Variants in CDH4 observed in about 807,000 individuals in gnomAD.
CDH4 encodes the protein cadherin 4, also known as cadherin-4.
A neutral mutation model predicts 86.0 loss-of-function variants in CDH4; 33 were observed. That is an observed-to-expected ratio of 0.38 (90% CI 0.29 to 0.51). The LOEUF (loss-of-function observed/expected upper bound fraction) is 0.51, where lower values mean the gene tolerates loss of function less well. Ranked by LOEUF, CDH4 falls within the 20% of genes least tolerant of loss-of-function variation. CDH4 has a pLI of 0.86. For synonymous variants in CDH4, 555 were observed against 549.4 expected (o/e 1.01, Z -0.14); for missense variants, 1,114 against 1,307.4 (o/e 0.85, Z 2.28).
At chr20:61,880,389 A>G (rs959761163) in intron 7 of CDH4, among the ~76,000 whole-genome samples, 4 of 152,158 alleles carry the variant, frequency 2.6e-5, no homozygotes, top group African/African-American at 9.7e-5. Context: ...TGCAGAAAAA[A>G]AAATATTAGC....
chr20:61,924,553 G>A, intron 11 of CDH4, 77 bp downstream of exon 11: 2 of 1,513,664 alleles, frequency 1.3e-6, no homozygotes, highest in East Asian at 2.3e-5. Context: ...GGAGGGTGCT[G>A]GCCAGGGAGA....
intron 3 of CDH4, among the ~76,000 whole-genome samples, chr20:61,771,542 T>TA (rs1266226801): frequency 1.4e-5 from 2 of 145,754 alleles, no homozygotes; most frequent in Admixed American, 1.4e-4. Flanking sequence ...GAGAGTCACT[T>TA]AAACCCAGGA....
At chr20:61,284,715 A>T (rs1299584768) in intron 2 of CDH4, among the ~76,000 whole-genome samples, 2 of 152,262 alleles carry the variant, frequency 1.3e-5, no homozygotes, top group Admixed American at 1.3e-4. Context: ...GGCAAAACCC[A>T]TCCAAACTGG....
In CDH4 at chr20:61,281,767, C is replaced by T. The variant is rs542612840; in HGVS notation, c.169+26830C>T. Among the ~76,000 whole-genome samples the T allele has an allele frequency of 6.3e-4, 96 of 152,340 alleles. 2 individuals are homozygous for T. The South Asian group carries it at 0.018, about 29-fold the overall frequency. ...CCGCCACCTCCTCCCCTGGAGGGGA[C>T]GCACCCCATCCCTGTGCTTTCATCA... On this transcript the variant is annotated intron_variant, in intron 2 of 15. Transcript: ENST00000614565.
In CDH4 at chr20:61,582,964, A is replaced by G. The variant is rs1319613745; in HGVS notation, c.170-160599A>G. On this transcript the variant is annotated intron_variant, in intron 2 of 15. Coordinates refer to ENST00000614565, the MANE Select transcript of CDH4 (RefSeq NM_001794.5). This position sits in a 1 kb window ranked among gnomAD's most constrained non-coding sequence, Gnocchi z 4.2. ...CCATGGCCCCCGGCCCTAGGCAGCC[A>G]CTAATCTACTTTCTGTCTCTGTCGA... 6.6e-6 allele frequency among the ~76,000 whole-genome samples: 1 copy of G among 151,880 alleles called. No homozygotes were observed. The highest frequency in any genetic ancestry group is 1.5e-5 in the Non-Finnish European group (1 of 67,984).
At chr20:61,895,075 G>T (rs761416568) in intron 8 of CDH4, 28 bp downstream of exon 8, 44 of 1,610,250 alleles carry the variant, frequency 2.7e-5, no homozygotes, top group Non-Finnish European at 3.1e-5. Context: ...GCCCAGTGAC[G>T]CATGGCCCGT....
intron 2 of CDH4, among the ~76,000 whole-genome samples, chr20:61,678,817 C>G (rs2145855001): frequency 6.6e-6 from 1 of 152,324 alleles, no homozygotes; most frequent in East Asian, 1.9e-4. Flanking sequence ...CCCTGTATGT[C>G]CTTTTCTGTT....
At chr20:61,260,853 G>A (rs977935442) in intron 2 of CDH4, among the ~76,000 whole-genome samples, 2 of 152,208 alleles carry the variant, frequency 1.3e-5, no homozygotes, top group African/African-American at 2.4e-5. Flanking sequence ...GTTCAGAAAG[G>A]GAAGTATATA....
chr20:61,645,042 T>G (rs2087047968), intron 2 of CDH4, among the ~76,000 whole-genome samples: 1 of 152,166 alleles, frequency 6.6e-6, no homozygotes, highest in Non-Finnish European at 1.5e-5. Flanking sequence ...ACAAGGTCAC[T>G]CATCACAAAG....
intron 2 of CDH4, among the ~76,000 whole-genome samples, chr20:61,597,044 G>A (rs2086561956): frequency 6.6e-6 from 1 of 152,256 alleles, no homozygotes; most frequent in South Asian, 2.1e-4. Flanking sequence ...CCTGATAAAT[G>A]TGGTGATTTC....
intron 7 of CDH4, among the ~76,000 whole-genome samples, chr20:61,878,450 G>A (rs576181174): frequency 1.8e-4 from 28 of 152,346 alleles, no homozygotes; most frequent in African/African-American, 5.3e-4. Context: ...TCATTTCCAC[G>A]TTATTTTCCT....
chr20:61,773,355 G>T (rs1287211722), intron 4 of CDH4, among the ~76,000 whole-genome samples, 173 bp downstream of exon 4: 2 of 152,246 alleles, frequency 1.3e-5, no homozygotes, highest in East Asian at 3.8e-4. Flanking sequence ...TTCAGGCGGG[G>T]AAGCTGCGTC....
At chr20:61,792,607 T>C (rs1979262233) in intron 4 of CDH4, among the ~76,000 whole-genome samples, 1 of 152,226 alleles carries the variant, frequency 6.6e-6, no homozygotes, top group East Asian at 1.9e-4. Context: ...AAAATGTAAA[T>C]CAAAATAAAT....
At chr20:61,898,900 G>A (rs1188484811) in intron 8 of CDH4, among the ~76,000 whole-genome samples, 1 of 152,222 alleles carries the variant, frequency 6.6e-6, no homozygotes, top group African/African-American at 2.4e-5. Flanking sequence ...CAAGGTTCCA[G>A]CTTTAACAGA....
Position 61,554,428 on chromosome 20 carries a change from G to A in CDH4, c.170-189135G>A, listed in dbSNP as rs145832853. Among the ~76,000 whole-genome samples, 3 of 152,360 alleles carry A rather than the reference G, an allele frequency of 2.0e-5. No homozygotes were observed. The East Asian group carries it at 5.8e-4, about 29-fold the overall frequency. The stretch of plus-strand genomic sequence containing the variant: ...TATGTCGCCACTGACCAGGACCCAA[G>A]AGTCCAAGCCCTATTTTCTCTTAAA... On this transcript the variant is annotated intron_variant, in intron 2 of 15. Transcript: ENST00000614565.
intron 2 of CDH4, among the ~76,000 whole-genome samples, chr20:61,256,021 C>T (rs76334105): frequency 8.2e-4 from 125 of 152,272 alleles, no homozygotes; most frequent in African/African-American, 2.7e-3. Context: ...TCTAGGCAGT[C>T]GGCCTAGGAG....
intron 2 of CDH4, among the ~76,000 whole-genome samples, chr20:61,448,660 A>G (rs2145543432): frequency 6.6e-6 from 1 of 152,282 alleles, no homozygotes; most frequent in Non-Finnish European, 1.5e-5. Context: ...TTCTGGTGGT[A>G]GAAAATGACT....
chr20:61,721,405 C>T (rs1355668079), intron 2 of CDH4, among the ~76,000 whole-genome samples: 1 of 152,208 alleles, frequency 6.6e-6, no homozygotes, highest in Non-Finnish European at 1.5e-5. Context: ...ACACCAGGGG[C>T]TCTCCCTCTG....
At position 61,267,781 on chromosome 20, in the gene CDH4, G is replaced by T. The variant is rs73915245; in HGVS notation, c.169+12844G>T. 5.4e-3 allele frequency among the ~76,000 whole-genome samples: 820 copies of T among 152,300 alleles called. 7 individuals carry two copies. The highest frequency in any genetic ancestry group is 0.018 in the African/African-American group (765 of 41,562). On this transcript the variant is annotated intron_variant, in intron 2 of 15. Coordinates refer to ENST00000614565, the MANE Select transcript of CDH4 (RefSeq NM_001794.5). ...ATGAGATGTGGAGGGATGCAGAGAGGAGCTGGGCACTCTCTGGCGTTTTTA... is the reference window on the plus strand; with the variant it reads ...ATGAGATGTGGAGGGATGCAGAGAGTAGCTGGGCACTCTCTGGCGTTTTTA...
Sources: gnomAD v4.1 joint callset for allele counts (sites outside exome capture counted in the v4.1 genomes callset) on GRCh38, gnomAD v4.1.1 for gene constraint, Gnocchi (gnomAD v3.1) non-coding constraint, MANE v1.5 for transcripts, NCBI Gene and HGNC (gene_info 2026-07-23, HGNC 2026-07-21) for gene names.